INO80: variants seen among roughly 807,000 people sequenced by gnomAD.
INO80 encodes chromatin-remodeling ATPase INO80.
INO80 carries 20 observed loss-of-function variants against 203.4 expected under a neutral mutation model. The ratio of observed to expected loss-of-function variants is 0.10; its 90% CI spans 0.07 to 0.14. The LOEUF (loss-of-function observed/expected upper bound fraction) is 0.14, where lower values mean the gene tolerates loss of function less well. Ranked by LOEUF, INO80 falls within the 10% of genes least tolerant of loss-of-function variation. The pLI is 1.00. For missense variants in INO80, 1,419 were observed against 1,914.4 expected (o/e 0.74, Z 4.83); for synonymous variants, 726 against 685.2 (o/e 1.06, Z -0.93).
chr15:41,036,139 G>C (rs1337162770), intron 24 of INO80, among the ~76,000 whole-genome samples: 1 of 106,454 alleles, frequency 9.4e-6, no homozygotes, highest in East Asian at 3.3e-4. Flanking sequence ...CTGGGCAACA[G>C]AGTGCAACTC....
intron 5 of INO80, among the ~76,000 whole-genome samples, chr15:41,091,215 C>T (rs1235153508): frequency 3.9e-5 from 6 of 152,072 alleles, no homozygotes; most frequent in Admixed American, 3.9e-4. Flanking sequence ...TGAGTCACTG[C>T]GCCCAGCCAA....
At chr15:41,007,657 A>G (rs1293152428) in intron 27 of INO80, among the ~76,000 whole-genome samples, 4 of 151,992 alleles carry the variant, frequency 2.6e-5, no homozygotes, top group African/African-American at 9.7e-5. Context: ...CTGAGGCAAC[A>G]GAAGTGAATT....
intron 17 of INO80, 54 bp downstream of exon 17, chr15:41,056,568 T>C: frequency 7.6e-7 from 1 of 1,317,720 alleles, no homozygotes; most frequent in Non-Finnish European, 1.1e-6. Flanking sequence ...TATGCTCTGC[T>C]GGAATCCTTC....
intron 23 of INO80, among the ~76,000 whole-genome samples, chr15:41,046,081 G>A (rs931856746): frequency 2.6e-5 from 4 of 151,056 alleles, no homozygotes; most frequent in African/African-American, 9.8e-5. Context: ...CGTTTGCCCT[G>A]TAGAAACAAG....
chr15:41,091,829 T>C (rs2045649045), intron 5 of INO80, among the ~76,000 whole-genome samples, 198 bp downstream of exon 5: 1 of 151,902 alleles, frequency 6.6e-6, no homozygotes, highest in African/African-American at 2.4e-5. Flanking sequence ...AAATTTTGTA[T>C]TTTTAGTAGA....
rs144688773 is a variant in INO80 at position 41,094,558 on chromosome 15, A to G, written c.381+1043T>C. Among the ~76,000 whole-genome samples the G allele has an allele frequency of 3.2e-3, 482 of 152,272 alleles. 12 individuals carry two copies. The highest frequency in any genetic ancestry group is 0.027 in the Admixed American group (407 of 15,272). On this transcript the variant is annotated intron_variant, in intron 4 of 35. Coordinates refer to ENST00000648947, the MANE Select transcript of INO80 (RefSeq NM_017553.3). ...AGGAAACTTGCCCAACCATAATCGT[A>G]CCTGGCACATGCACATGGATGCACT...
Position 41,082,513 on chromosome 15 carries a change from C to T in INO80, c.874-1440G>A, listed in dbSNP as rs189419145. ...GTCAGGACTTCAACACCAGCCTGGT[C>T]AACATGGTGAATCCCCGTCTCTACT... is the stretch of plus-strand genomic sequence containing the variant. On this transcript the variant is annotated intron_variant, in intron 7 of 35. Transcript: ENST00000648947. 2.7e-3 allele frequency among the ~76,000 whole-genome samples: 408 copies of T among 152,094 alleles called. 3 individuals are homozygous for T. The highest frequency in any genetic ancestry group is 0.013 in the South Asian group (62 of 4,824).
chr15:41,005,182 G>A (rs1245922936), intron 28 of INO80: 3 of 121,102 alleles, frequency 2.5e-5, no homozygotes, highest in Admixed American at 2.3e-4. Flanking sequence ...GTGACAGGGA[G>A]AGACTGTCTC....
intron 29 of INO80, among the ~76,000 whole-genome samples, chr15:40,990,680 G>C (rs952450174): frequency 1.3e-5 from 2 of 152,126 alleles, no homozygotes; most frequent in African/African-American, 4.8e-5. Context: ...GCCTCTAGAG[G>C]AACTTAACAA....
chr15:41,106,339 A>T (rs2045880141), intron 1 of INO80, among the ~76,000 whole-genome samples: 1 of 149,080 alleles, frequency 6.7e-6, no homozygotes, highest in Non-Finnish European at 1.5e-5. Flanking sequence ...GGCTGAGATC[A>T]TGCCACCACA....
intron 32 of INO80, among the ~76,000 whole-genome samples, chr15:40,984,809 G>A (rs1441662456): frequency 6.6e-6 from 1 of 152,084 alleles, no homozygotes; most frequent in Admixed American, 6.5e-5. Flanking sequence ...CAAAAGAGAG[G>A]GCCAATGCTT....
At position 41,003,329 on chromosome 15, in the gene INO80, C is replaced by CTTTTTTTTTTTTTTTT. The variant is rs771356698; in HGVS notation, c.3497+2263_3497+2264insAAAAAAAAAAAAAAAA. 6.5e-5 allele frequency among the ~76,000 whole-genome samples: 7 copies of CTTTTTTTTTTTTTTTT among 107,576 alleles called. 3 individuals carry two copies. The highest frequency in any genetic ancestry group is 6.2e-5 in the African/African-American group (2 of 32,188). 70.6% of individuals were successfully genotyped at this position (107,576 alleles called of 152,430 possible). A position where few individuals can be genotyped will look rare whatever the true frequency, so the allele number is the denominator to read the frequency against. On this transcript the variant is annotated intron_variant, in intron 28 of 35. Coordinates refer to ENST00000648947, the MANE Select transcript of INO80 (RefSeq NM_017553.3). The stretch of plus-strand genomic sequence containing the variant: ...TGGGATTGTGGGTGATTTTTCTTTT[C>CTTTTTTTTTTTTTTTT]TTTTCTTTTTTTTTTTTTTGAGATG...
intron 1 of INO80, among the ~76,000 whole-genome samples, chr15:41,112,799 A>C (rs1384816457): frequency 2.0e-5 from 3 of 151,232 alleles, no homozygotes; most frequent in East Asian, 1.9e-4. Context: ...AAAAAAAAAA[A>C]AAAAAAAAAA....
chr15:41,000,400 G>C (rs976996668), intron 28 of INO80, among the ~76,000 whole-genome samples: 1 of 151,968 alleles, frequency 6.6e-6, no homozygotes, highest in Non-Finnish European at 1.5e-5. Context: ...GAAGCAAAAA[G>C]ATAAGAAATT....
intron 24 of INO80, among the ~76,000 whole-genome samples, chr15:41,041,583 G>T (rs1258362146): frequency 3.3e-5 from 5 of 151,846 alleles, no homozygotes; most frequent in Admixed American, 6.6e-5. Flanking sequence ...TGGGATTACA[G>T]GCGCACACCG....
intron 9 of INO80, among the ~76,000 whole-genome samples, chr15:41,078,240 A>G (rs1424083692): frequency 2.0e-5 from 3 of 152,136 alleles, no homozygotes; most frequent in Non-Finnish European, 4.4e-5. Context: ...CTACCATATG[A>G]TTAAATGAAC....
intron 21 of INO80, among the ~76,000 whole-genome samples, chr15:41,048,634 T>TA (rs1429173209): frequency 6.6e-6 from 1 of 152,180 alleles, no homozygotes; most frequent in Non-Finnish European, 1.5e-5. Flanking sequence ...ACTCATGAAG[T>TA]AAAATCCAAG....
At position 41,091,396 on chromosome 15, in the gene INO80, G is replaced by A. The variant is rs560967981; in HGVS notation, c.537+631C>T. Among the ~76,000 whole-genome samples, 200 of 152,162 alleles carry A rather than the reference G, an allele frequency of 1.3e-3. 2 individuals carry two copies. The highest frequency in any genetic ancestry group is 4.8e-3 in the African/African-American group (199 of 41,522). On this transcript the variant is annotated intron_variant, in intron 5 of 35. Coordinates refer to ENST00000648947, the MANE Select transcript of INO80 (RefSeq NM_017553.3). ...CTTTTTTTTAAGTACCAGGGTACATGTGCAAGATGTGCAGGTTTGCTACAC... is the reference window on the plus strand; with the variant it reads ...CTTTTTTTTAAGTACCAGGGTACATATGCAAGATGTGCAGGTTTGCTACAC...
intron 31 of INO80, among the ~76,000 whole-genome samples, 181 bp from the exon 32 acceptor site, chr15:40,985,607 T>C (rs960268915): frequency 1.3e-5 from 2 of 152,180 alleles, no homozygotes; most frequent in African/African-American, 4.8e-5. Context: ...AATCACACTC[T>C]TATTTTAAGC....
Sources: gnomAD v4.1 joint callset for allele counts (sites outside exome capture counted in the v4.1 genomes callset) on GRCh38, gnomAD v4.1.1 for gene constraint, MANE v1.5 for transcripts, NCBI Gene and HGNC (gene_info 2026-07-23, HGNC 2026-07-21) for gene names.